ASIP: variants seen among roughly 807,000 people sequenced by gnomAD.
The protein encoded by ASIP is agouti-signaling protein.
ASIP carries 11 observed loss-of-function variants against 10.3 expected under a neutral mutation model. The ratio of observed to expected loss-of-function variants is 1.07; its 90% CI spans 0.68 to 1.78. The LOEUF (loss-of-function observed/expected upper bound fraction) is 1.78, where lower values mean the gene tolerates loss of function less well. Ranked by LOEUF, ASIP falls within the 40% of genes most tolerant of loss-of-function variation. The pLI is 0.00. For missense variants in ASIP, 180 were observed against 169.2 expected (o/e 1.06, Z -0.35); for synonymous variants, 70 against 70.8 (o/e 0.99, Z 0.06).
intron 1 of ASIP, among the ~76,000 whole-genome samples, chr20:34,223,324 C>T (rs1413922207): frequency 6.6e-6 from 1 of 151,574 alleles, no homozygotes; most frequent in African/African-American, 2.4e-5. Context: ...GCCGAGACCC[C>T]GTCTGGGAGG....
At chr20:34,209,918 G>A (rs2034962520) in intron 1 of ASIP, among the ~76,000 whole-genome samples, 1 of 152,134 alleles carries the variant, frequency 6.6e-6, no homozygotes, top group South Asian at 2.1e-4. Context: ...CCTTTTCCCA[G>A]CCCACCCATG....
intron 1 of ASIP, among the ~76,000 whole-genome samples, chr20:34,253,554 C>A (rs1352376402): frequency 6.6e-6 from 1 of 151,918 alleles, no homozygotes; most frequent in Non-Finnish European, 1.5e-5. Context: ...CTCACTGCAA[C>A]CTCCGCCTCC....
intron 1 of ASIP, among the ~76,000 whole-genome samples, chr20:34,219,642 T>C (rs2035032032): frequency 6.6e-6 from 1 of 152,220 alleles, no homozygotes; most frequent in Admixed American, 6.5e-5. Flanking sequence ...TATAAGCACT[T>C]ACTAGAATAA....
At chr20:34,223,557 C>T (rs2035069403) in intron 1 of ASIP, among the ~76,000 whole-genome samples, 1 of 124,198 alleles carries the variant, frequency 8.1e-6, no homozygotes, top group South Asian at 2.1e-4. Context: ...GGGGGGTCAG[C>T]CCCCCGCCTG....
At position 34,200,985 on chromosome 20, in the gene ASIP, C is replaced by T. The variant is rs186072766; in HGVS notation, c.-11+6225C>T. ...CTTTCTTTCTTTCCTTCCTTCCTTCCTTCCTTCCTTCCTTCCTTCCTTCCT... is the reference window on the plus strand; with the variant it reads ...CTTTCTTTCTTTCCTTCCTTCCTTCTTTCCTTCCTTCCTTCCTTCCTTCCT... On this transcript the variant is annotated intron_variant, in intron 1 of 3. Coordinates refer to the ASIP transcript ENST00000568305. Among the ~76,000 whole-genome samples the T allele has an allele frequency of 6.5e-3, 331 of 50,868 alleles. 4 individuals carry two copies. The highest frequency in any genetic ancestry group is 0.06 in the African/African-American group (286 of 4,730). The allele number at this position is 50,868 out of a possible 152,430, so 33.4% of individuals were successfully genotyped here. A position where few individuals can be genotyped will look rare whatever the true frequency, so the allele number is the denominator to read the frequency against.
chr20:34,250,819 T>C (rs1172682739), intron 1 of ASIP, among the ~76,000 whole-genome samples: 2 of 152,112 alleles, frequency 1.3e-5, no homozygotes, highest in East Asian at 3.9e-4. Context: ...TGGGAGACTG[T>C]AGTCCTTTCC....
intron 1 of ASIP, among the ~76,000 whole-genome samples, chr20:34,198,379 C>T (rs1400044968): frequency 2.0e-5 from 3 of 152,032 alleles, no homozygotes; most frequent in East Asian, 1.9e-4. Context: ...CGTGAGCCAC[C>T]GAGCCCGGTC....
chr20:34,226,456 G>A (rs964848534), intron 1 of ASIP, among the ~76,000 whole-genome samples: 12 of 152,010 alleles, frequency 7.9e-5, no homozygotes, highest in Admixed American at 5.2e-4. Flanking sequence ...GGGTTCAAGC[G>A]ATTCTCCTGC....
intron 1 of ASIP, among the ~76,000 whole-genome samples, chr20:34,232,553 C>T (rs1426856610): frequency 2.6e-5 from 4 of 152,124 alleles, no homozygotes; most frequent in Admixed American, 6.5e-5. Context: ...CAGATTCAAC[C>T]ACCTGTGAAT....
chr20:34,190,802 G>A (rs78639799), upstream of ASIP, among the ~76,000 whole-genome samples: 3,675 of 152,302 alleles, frequency 0.024, 70 homozygotes, highest in Non-Finnish European at 0.038. Flanking sequence ...TTGAGGATGT[G>A]TTTCGCAGCA....
At chr20:34,268,228 AT>A (rs2035821443) in intron 3 of ASIP, among the ~76,000 whole-genome samples, 1 of 152,190 alleles carries the variant, frequency 6.6e-6, no homozygotes, top group Non-Finnish European at 1.5e-5. Flanking sequence ...ACCAGTGGCT[AT>A]TTCCTTCCCA....
intron 1 of ASIP, among the ~76,000 whole-genome samples, chr20:34,258,696 C>CACACA (rs1280206295): frequency 8.6e-5 from 1 of 11,652 alleles, no homozygotes; most frequent in Non-Finnish European, 2.3e-4. Flanking sequence ...TATATACATA[C>CACACA]TATATATATA....
intron 1 of ASIP, among the ~76,000 whole-genome samples, chr20:34,206,208 A>G (rs558552682): frequency 6.6e-6 from 1 of 152,096 alleles, no homozygotes; most frequent in South Asian, 2.1e-4. Flanking sequence ...TGTTGGCCGG[A>G]CTGGTCTTGA....
intron 1 of ASIP, among the ~76,000 whole-genome samples, chr20:34,253,618 T>C (rs913753293): frequency 1.3e-5 from 2 of 152,014 alleles, no homozygotes; most frequent in African/African-American, 2.4e-5. Flanking sequence ...ATTATAGGCA[T>C]GCACCACCAA....
intron 1 of ASIP, among the ~76,000 whole-genome samples, chr20:34,243,943 T>C (rs1485791993): frequency 6.6e-6 from 1 of 152,090 alleles, no homozygotes; most frequent in African/African-American, 2.4e-5. Context: ...CGGGCGCCTG[T>C]AGTCCCAGCT....
At chr20:34,263,129 C>G (rs1323311394) in intron 3 of ASIP, among the ~76,000 whole-genome samples, 1 of 152,214 alleles carries the variant, frequency 6.6e-6, no homozygotes, top group Non-Finnish European at 1.5e-5. Flanking sequence ...GCTTCCTCTA[C>G]TAGTTAGCCC....
At chr20:34,261,911 G>A (rs1177391396) in intron 2 of ASIP, among the ~76,000 whole-genome samples, 1 of 151,906 alleles carries the variant, frequency 6.6e-6, no homozygotes, top group African/African-American at 2.4e-5. Flanking sequence ...TCAAGAGTTT[G>A]AGACCAGCCT....
At chr20:34,233,178 C>T (rs566832290) in intron 1 of ASIP, among the ~76,000 whole-genome samples, 161 of 136,424 alleles carry the variant, frequency 1.2e-3, no homozygotes, top group Admixed American at 1.3e-3. Context: ...TACAGAGTCT[C>T]GCTCTGTTGC....
intron 1 of ASIP, among the ~76,000 whole-genome samples, chr20:34,219,933 C>CA (rs1272932290): frequency 1.3e-5 from 2 of 152,094 alleles, no homozygotes; most frequent in Admixed American, 1.3e-4. Context: ...ACTAAAAATA[C>CA]AAAAAAATTA....
Sources: allele counts gnomAD v4.1 joint callset (sites outside exome capture counted in the v4.1 genomes callset), GRCh38; gene constraint gnomAD v4.1.1; transcripts MANE v1.5; gene names NCBI Gene and HGNC (gene_info 2026-07-23, HGNC 2026-07-21).